SERGEF: variants seen among roughly 807,000 people sequenced by gnomAD.
SERGEF encodes secretion regulating guanine nucleotide exchange factor, also known as secretion-regulating guanine nucleotide exchange factor.
A neutral mutation model predicts 50.0 loss-of-function variants in SERGEF; 51 were observed. The ratio of observed to expected loss-of-function variants is 1.02; its 90% CI spans 0.81 to 1.29. SERGEF has a LOEUF of 1.29. Ranked by LOEUF, SERGEF falls within the 50% of genes most tolerant of loss-of-function variation. SERGEF has a pLI of 0.00. For missense variants in SERGEF, 521 were observed against 557.0 expected (o/e 0.94, Z 0.65); for synonymous variants, 205 against 212.4 (o/e 0.97, Z 0.30).
intron 10 of SERGEF, among the ~76,000 whole-genome samples, chr11:17,864,002 C>A (rs1011908152): frequency 6.6e-6 from 1 of 152,162 alleles, no homozygotes; most frequent in African/African-American, 2.4e-5. Context: ...TCTAGAGGCC[C>A]AGAGAAGGAG....
In SERGEF at chr11:17,884,245, A is replaced by G. The variant is rs1190661872; in HGVS notation, c.1012-6001T>C. 2.0e-5 allele frequency among the ~76,000 whole-genome samples: 3 copies of G among 152,210 alleles called. No individual in the cohort carries two copies. Among genetic ancestry groups the G allele is most frequent in the Non-Finnish European group, 4.4e-5 (3 of 68,024 alleles). ...ATGATGGCCAGGGTGGAAGGGGAGT[A>G]ACGGGGTTTAGGTTGGTACGGTACT... is the stretch of plus-strand genomic sequence containing the variant. On this transcript the variant is annotated intron_variant, in intron 9 of 10. Coordinates refer to ENST00000265965, the MANE Select transcript of SERGEF (RefSeq NM_012139.4). This position sits in a 1 kb window ranked among gnomAD's most constrained non-coding sequence, Gnocchi z 4.6.
At position 17,956,315 on chromosome 11, in the gene SERGEF, T is replaced by A. The variant is rs1852869283; in HGVS notation, c.1011+3155A>T. 5.9e-5 allele frequency among the ~76,000 whole-genome samples: 9 copies of A among 152,270 alleles called. No homozygotes were observed. The South Asian group carries it at 1.9e-3, about 32-fold the overall frequency. ...GGGCACATAGAAAGAAGGACCTCAA[T>A]TTTACTTTATCTATAGAGTATGTGA... On this transcript the variant is annotated intron_variant, in intron 9 of 10. Transcript: ENST00000265965.
chr11:17,828,401 A>G (rs554414143), intron 10 of SERGEF, among the ~76,000 whole-genome samples: 2 of 152,336 alleles, frequency 1.3e-5, no homozygotes, highest in Non-Finnish European at 2.9e-5. Flanking sequence ...TAGTGAGCAG[A>G]GCTGTGGCTG....
intron 9 of SERGEF, among the ~76,000 whole-genome samples, chr11:17,920,951 G>A (rs1852144398): frequency 6.6e-6 from 1 of 152,152 alleles, no homozygotes; most frequent in Admixed American, 6.5e-5. Context: ...TTATCTTCAG[G>A]GGAATGTATT....
chr11:17,856,271 C>T (rs955463964), intron 10 of SERGEF: 1 of 152,668 alleles, frequency 6.6e-6, no homozygotes, highest in African/African-American at 2.4e-5. Context: ...TGCAAGCTGA[C>T]TCAGTCAATA....
chr11:17,903,760 A>C (rs1196733166), intron 9 of SERGEF, among the ~76,000 whole-genome samples: 1 of 152,212 alleles, frequency 6.6e-6, no homozygotes, highest in African/African-American at 2.4e-5. Flanking sequence ...CATTGAACAG[A>C]TAAATATGGA....
At chr11:17,837,433 T>A (rs1305734691) in intron 10 of SERGEF, among the ~76,000 whole-genome samples, 2 of 151,340 alleles carry the variant, frequency 1.3e-5, no homozygotes, top group Non-Finnish European at 2.9e-5. Context: ...CTGTGGGGAG[T>A]GAGTTGTCAC....
chr11:17,893,687 G>A (rs1223248643), intron 9 of SERGEF, among the ~76,000 whole-genome samples: 1 of 152,146 alleles, frequency 6.6e-6, no homozygotes, highest in Non-Finnish European at 1.5e-5. Context: ...TTGTGTATAT[G>A]CTCAACTCTC....
intron 10 of SERGEF, among the ~76,000 whole-genome samples, chr11:17,816,496 T>C (rs1268175188): frequency 6.6e-6 from 1 of 152,256 alleles, no homozygotes; most frequent in East Asian, 1.9e-4. Flanking sequence ...ATTTGAACTT[T>C]CAGCAGTTTC....
At chr11:17,859,243 A>G (rs1473654440) in intron 10 of SERGEF, among the ~76,000 whole-genome samples, 2 of 152,204 alleles carry the variant, frequency 1.3e-5, no homozygotes, top group African/African-American at 4.8e-5. Flanking sequence ...ATATCCATAG[A>G]AAAATGATAG....
At chr11:17,902,775 G>C (rs1464553065) in intron 9 of SERGEF, among the ~76,000 whole-genome samples, 1 of 152,206 alleles carries the variant, frequency 6.6e-6, no homozygotes, top group South Asian at 2.1e-4. Context: ...AGCTGAACAA[G>C]AAGCATGCAG....
chr11:17,864,163 T>C (rs1237939963), intron 10 of SERGEF, among the ~76,000 whole-genome samples: 1 of 152,252 alleles, frequency 6.6e-6, no homozygotes, highest in African/African-American at 2.4e-5. Flanking sequence ...GCCTCTTGAG[T>C]AACTGTAAAC....
intron 8 of SERGEF, among the ~76,000 whole-genome samples, chr11:17,961,921 A>G (rs1853007761): frequency 6.6e-6 from 1 of 152,232 alleles, no homozygotes; most frequent in Non-Finnish European, 1.5e-5. Context: ...ACCTCTTCCC[A>G]GGTACCCAGT....
At chr11:17,819,160 T>A (rs527320518) in intron 10 of SERGEF, among the ~76,000 whole-genome samples, 4 of 152,342 alleles carry the variant, frequency 2.6e-5, no homozygotes, top group African/African-American at 9.6e-5. Context: ...AATTTCAGGA[T>A]CTTCATATAC....
intron 10 of SERGEF, among the ~76,000 whole-genome samples, chr11:17,868,251 G>A (rs1241958594): frequency 6.6e-6 from 1 of 152,112 alleles, no homozygotes; most frequent in Non-Finnish European, 1.5e-5. Flanking sequence ...TGAATGCTTT[G>A]CTGCTTAGAA....
At chr11:17,812,735 C>T (rs759345855) in intron 10 of SERGEF, among the ~76,000 whole-genome samples, 1 of 152,222 alleles carries the variant, frequency 6.6e-6, no homozygotes, top group Non-Finnish European at 1.5e-5. Context: ...TACCAGTCTA[C>T]TTTTCATTAT....
chr11:17,817,922 C>T (rs1850008913), intron 10 of SERGEF, among the ~76,000 whole-genome samples: 1 of 152,156 alleles, frequency 6.6e-6, no homozygotes, highest in South Asian at 2.1e-4. Flanking sequence ...GGTTGAAAGG[C>T]CACAGAACCA....
At chr11:17,982,049 C>A (rs963345788) in intron 8 of SERGEF, among the ~76,000 whole-genome samples, 1 of 152,180 alleles carries the variant, frequency 6.6e-6, no homozygotes, top group Non-Finnish European at 1.5e-5. Context: ...AAGAGATCCA[C>A]CTGCCTCAGC....
intron 9 of SERGEF, among the ~76,000 whole-genome samples, chr11:17,899,937 T>G (rs1466933720): frequency 6.7e-6 from 1 of 149,950 alleles, no homozygotes; most frequent in Non-Finnish European, 1.5e-5. Context: ...GCCTGAATTT[T>G]GAGACTCTTG....
Sources: allele counts gnomAD v4.1 joint callset (sites outside exome capture counted in the v4.1 genomes callset), GRCh38; gene constraint gnomAD v4.1.1; non-coding constraint Gnocchi (gnomAD v3.1); transcripts MANE v1.5; gene names NCBI Gene and HGNC (gene_info 2026-07-23, HGNC 2026-07-21).